Variants in SLC2A12 observed in about 807,000 individuals in gnomAD.
SLC2A12 encodes solute carrier family 2 member 12.
A neutral mutation model predicts 41.8 loss-of-function variants in SLC2A12; 23 were observed. The ratio of observed to expected loss-of-function variants is 0.55; its 90% CI spans 0.40 to 0.78. SLC2A12 has a LOEUF of 0.78. SLC2A12 is among the 30% of genes least tolerant of loss of function. The probability of loss-of-function intolerance (pLI) is 0.00; values close to 1 mark genes in which losing one functional copy is unlikely to be tolerated. For missense variants in SLC2A12, 654 were observed against 745.6 expected (o/e 0.88, Z 1.43); for synonymous variants, 295 against 285.9 (o/e 1.03, Z -0.32).
In SLC2A12 at chr6:134,028,430, T is replaced by C. The variant is rs1777143943; in HGVS notation, c.1395A>G (p.Leu465=). The C allele has an allele frequency of 3.7e-6, 6 of 1,614,090 alleles. No individual in the cohort carries two copies. The highest frequency in any genetic ancestry group is 5.1e-6 in the Non-Finnish European group (6 of 1,179,988). Residue 465 remains leucine (L), a synonymous_variant, in exon 2 of 5, where the codon TTA becomes TTG. Coordinates refer to ENST00000275230, the MANE Select transcript of SLC2A12 (RefSeq NM_145176.3). ...DVPAFLKWLS[L]ASLLVYVAAF... is the part of the protein sequence containing the mutation. ...CAGCAACATAAACAAGCAAGCTGGC[T>C]AAGGACAGCCATTTCAAAAAAGCTG...
intron 1 of SLC2A12, among the ~76,000 whole-genome samples, chr6:134,051,375 C>A (rs1434138599): frequency 6.6e-6 from 1 of 152,156 alleles, no homozygotes; most frequent in Non-Finnish European, 1.5e-5. Context: ...ACAAGGCAAA[C>A]GTCAGTATTA....
intron 4 of SLC2A12, among the ~76,000 whole-genome samples, chr6:133,994,470 G>T (rs1324851310): frequency 6.6e-6 from 1 of 152,208 alleles, no homozygotes; most frequent in Admixed American, 6.5e-5. Flanking sequence ...GCTCACGCCT[G>T]TAATCCCAGC....
At chr6:134,001,214 T>C (rs1776750464) in intron 4 of SLC2A12, among the ~76,000 whole-genome samples, 1 of 152,180 alleles carries the variant, frequency 6.6e-6, no homozygotes, top group Non-Finnish European at 1.5e-5. Context: ...CAATGTATAC[T>C]GCTCCGGTGA....
intron 1 of SLC2A12, among the ~76,000 whole-genome samples, chr6:134,043,335 G>A (rs1393548638): frequency 6.6e-6 from 1 of 152,096 alleles, no homozygotes; most frequent in Non-Finnish European, 1.5e-5. Context: ...GGAGGCTGGT[G>A]GGGAGGAAGG....
intron 1 of SLC2A12, among the ~76,000 whole-genome samples, chr6:134,036,195 A>T (rs1412973146): frequency 6.6e-6 from 1 of 152,192 alleles, no homozygotes; most frequent in Non-Finnish European, 1.5e-5. Flanking sequence ...GCAGGCAGCC[A>T]GGTAATTATA....
Position 133,987,648 on chromosome 6 carries a change from G to GTGTGTGTATATATATATA in SLC2A12, c.*3506_*3507insTATATATATATACACACA, listed in dbSNP as rs200249148. On this transcript the variant is annotated 3_prime_UTR_variant, in exon 5 of 5. Coordinates refer to ENST00000275230, the MANE Select transcript of SLC2A12 (RefSeq NM_145176.3). ...TTTGTGTGTGTGTGTGTGTGTGTGT[G>GTGTGTGTATATATATATA]TATATATATATATATATATGCACCA... 5.7e-5 allele frequency: 5 copies of GTGTGTGTATATATATATA among 88,318 alleles called. No individual in the cohort carries two copies. Among genetic ancestry groups the GTGTGTGTATATATATATA allele is most frequent in the Non-Finnish European group, 1.1e-4 (4 of 35,236 alleles). The allele number at this position is 88,318 out of a possible 1,614,324, so 5.5% of individuals were successfully genotyped here.
chr6:134,028,472 T>C lies in SLC2A12; in HGVS notation c.1353A>G (p.Thr451=). The C allele has an allele frequency of 6.2e-7, 1 of 1,614,240 alleles. No homozygotes were observed. The highest frequency in any genetic ancestry group is 8.5e-7 in the Non-Finnish European group (1 of 1,180,036). The change falls in exon 2 of 5, where the codon ACA becomes ACG. Residue 451 remains threonine (T), a synonymous_variant. Transcript: ENST00000275230. ...GLSHTEYQIV[T]DPGDVPAFLK... is the part of the protein sequence containing the mutation. ...AAAAAGCTGGGACGTCCCCAGGGTC[T>C]GTGACTATCTGGTATTCAGTGTGGC...
At chr6:134,025,753 G>C (rs1201189720) in intron 2 of SLC2A12, among the ~76,000 whole-genome samples, 1 of 152,036 alleles carries the variant, frequency 6.6e-6, no homozygotes, top group South Asian at 2.1e-4. Flanking sequence ...CACCATGTTG[G>C]CCAGGCTGGT....
At chr6:134,003,483 T>C (rs1297093256) in intron 3 of SLC2A12, among the ~76,000 whole-genome samples, 2 of 152,206 alleles carry the variant, frequency 1.3e-5, no homozygotes, top group Non-Finnish European at 2.9e-5. Context: ...TGTGAAATAG[T>C]TGCGTCTGCT....
chr6:134,045,089 C>T (rs1186231584), intron 1 of SLC2A12, among the ~76,000 whole-genome samples: 1 of 152,184 alleles, frequency 6.6e-6, no homozygotes, highest in Non-Finnish European at 1.5e-5. Flanking sequence ...ATGATTCCTA[C>T]CTATTATGAA....
intron 3 of SLC2A12, among the ~76,000 whole-genome samples, chr6:134,002,469 T>C (rs1354795650): frequency 6.6e-6 from 1 of 152,134 alleles, no homozygotes; most frequent in Admixed American, 6.5e-5. Context: ...TCAAATAACA[T>C]GGAAACATAT....
intron 2 of SLC2A12, among the ~76,000 whole-genome samples, chr6:134,010,369 A>G (rs1351906567): frequency 1.3e-5 from 2 of 152,162 alleles, no homozygotes; most frequent in Non-Finnish European, 2.9e-5. Flanking sequence ...GGGGATGCAC[A>G]TTGTCCTATT....
At chr6:134,050,102 TC>T (rs1315470917) in intron 1 of SLC2A12, among the ~76,000 whole-genome samples, 1 of 152,178 alleles carries the variant, frequency 6.6e-6, no homozygotes, top group African/African-American at 2.4e-5. Context: ...CTCAACACCT[TC>T]ATAAAATAGA....
At chr6:134,046,093 AC>A (rs1241924945) in intron 1 of SLC2A12, among the ~76,000 whole-genome samples, 1 of 152,122 alleles carries the variant, frequency 6.6e-6, no homozygotes, top group Non-Finnish European at 1.5e-5. Context: ...TTCTTGAAAA[AC>A]TTTGCACATC....
chr6:134,016,080 C>T (rs1166410890), intron 2 of SLC2A12, among the ~76,000 whole-genome samples: 1 of 152,084 alleles, frequency 6.6e-6, no homozygotes, highest in East Asian at 1.9e-4. Flanking sequence ...CCGTAGGTCT[C>T]TCACATTTCT....
intron 1 of SLC2A12, among the ~76,000 whole-genome samples, chr6:134,048,716 T>A (rs558049220): frequency 6.6e-6 from 1 of 152,208 alleles, no homozygotes; most frequent in South Asian, 2.1e-4. Context: ...TTTTGATGCT[T>A]AATTGTTTTT....
In SLC2A12 at chr6:133,991,092, T is replaced by C; in HGVS notation, c.*63A>G. On this transcript the variant is annotated 3_prime_UTR_variant, in exon 5 of 5. Coordinates refer to ENST00000275230, the MANE Select transcript of SLC2A12 (RefSeq NM_145176.3). Reference sequence around the variant, plus strand: ...AGAGCACAGGAGTCGCAACTATGCATTGGTCCAAAGACACCCTCCTAAGTG... The same window carrying C: ...AGAGCACAGGAGTCGCAACTATGCACTGGTCCAAAGACACCCTCCTAAGTG... The C allele has an allele frequency of 6.5e-7, 1 of 1,536,852 alleles. No homozygotes were observed. The highest frequency in any genetic ancestry group is 8.8e-7 in the Non-Finnish European group (1 of 1,142,336).
At chr6:134,019,222 A>T (rs1777008814) in intron 2 of SLC2A12, among the ~76,000 whole-genome samples, 1 of 152,186 alleles carries the variant, frequency 6.6e-6, no homozygotes, top group African/African-American at 2.4e-5. Context: ...AAAAACAGTC[A>T]CATATATTTT....
rs752131084 is a variant in SLC2A12, at chr6:134,052,489, A to G, written c.-9T>C. 6.2e-7 allele frequency: 1 copy of G among 1,611,056 alleles called. No homozygotes were observed. Among genetic ancestry groups the G allele is most frequent in the South Asian group, 1.1e-5 (1 of 91,010 alleles). On this transcript the variant is annotated 5_prime_UTR_variant, in exon 1 of 5. Coordinates refer to ENST00000275230, the MANE Select transcript of SLC2A12 (RefSeq NM_145176.3). Reference sequence around the variant, plus strand: ...TTTTCAACAGGTACCATGGTCACGTAGAAGTTACAGCCGCTTCCCCGCCAC... The same window carrying G: ...TTTTCAACAGGTACCATGGTCACGTGGAAGTTACAGCCGCTTCCCCGCCAC...
Sources: gnomAD v4.1 joint callset for allele counts (sites outside exome capture counted in the v4.1 genomes callset) on GRCh38, gnomAD v4.1.1 for gene constraint, MANE v1.5 for transcripts, NCBI Gene and HGNC (gene_info 2026-07-23, HGNC 2026-07-21) for gene names.